Variants in ICA1L observed in about 807,000 individuals in gnomAD.
ICA1L encodes the protein islet cell autoantigen 1-like protein.
A neutral mutation model predicts 61.3 loss-of-function variants in ICA1L; 50 were observed. The ratio of observed to expected loss-of-function variants is 0.82; its 90% CI spans 0.65 to 1.03. The LOEUF is 1.03. Among genes scored for constraint, ICA1L ranks in the 50% least tolerant of loss-of-function variants. ICA1L has a pLI of 0.00. For synonymous variants in ICA1L, 161 were observed against 191.3 expected (o/e 0.84, Z 1.31); for missense variants, 508 against 556.7 (o/e 0.91, Z 0.88).
chr2:202,819,814 T>C lies in ICA1L; in HGVS notation c.445A>G (p.Ile149Val). ...GTGCGTGCCTGCTCCATCCGATTAATTGTCATCAAGGTATCAGATACTGCC... is the reference window on the plus strand; with the variant it reads ...GTGCGTGCCTGCTCCATCCGATTAACTGTCATCAAGGTATCAGATACTGCC... ...QRAVSDTLMT[I>V]NRMEQARTEY... Residue 149 changes from isoleucine to valine, a missense_variant, in exon 5 of 13, where the codon ATT becomes GTT. Ile to Val is a conservative substitution (Grantham distance 29). Coordinates refer to ENST00000358299, the MANE Select transcript of ICA1L (RefSeq NM_001288622.3). The C allele has an allele frequency of 1.2e-6, 2 of 1,614,086 alleles. No homozygotes were observed. The highest frequency in any genetic ancestry group is 1.7e-6 in the Non-Finnish European group (2 of 1,179,954).
At chr2:202,792,782 C>T (rs538547095) in intron 10 of ICA1L, among the ~76,000 whole-genome samples, 30 of 151,730 alleles carry the variant, frequency 2.0e-4, no homozygotes, top group Non-Finnish European at 2.1e-4. Flanking sequence ...CCAGCCTGGG[C>T]GACAGAGTGA....
At chr2:202,825,358 T>C in intron 3 of ICA1L, 1 of 216,130 alleles carries the variant, frequency 4.6e-6, no homozygotes, top group Non-Finnish European at 8.7e-6. Flanking sequence ...TAATCCCAGC[T>C]ACTTGGTAGG....
intron 1 of ICA1L, among the ~76,000 whole-genome samples, chr2:202,830,303 G>A (rs1205423416): frequency 6.6e-6 from 1 of 152,156 alleles, no homozygotes; most frequent in African/African-American, 2.4e-5. Context: ...AGCTACTCAG[G>A]AGGCTGAGGC....
intron 4 of ICA1L, among the ~76,000 whole-genome samples, chr2:202,820,299 C>T (rs1024643332): frequency 4.0e-5 from 6 of 151,294 alleles, no homozygotes; most frequent in African/African-American, 1.5e-4. Flanking sequence ...CGCTTGAACC[C>T]GGGAGGTGGA....
In ICA1L at chr2:202,841,361, G is replaced by A. The variant is rs1574371278; in HGVS notation, c.-7-12345C>T. On this transcript the variant is annotated intron_variant, in intron 1 of 12. Coordinates refer to ENST00000358299, the MANE Select transcript of ICA1L (RefSeq NM_001288622.3). ...GCTTAAGGCTGTTGATGTAGCTCTC[G>A]AACATGTTGTCCGTGTTGCTCTAAG... 22 of 851,162 alleles carry A rather than the reference G, an allele frequency of 2.6e-5. 1 individual carries two copies. Among genetic ancestry groups the A allele is most frequent in the South Asian group, 1.8e-4 (14 of 76,258 alleles). 52.7% of individuals were successfully genotyped at this position (851,162 alleles called of 1,614,324 possible). A position where few individuals can be genotyped will look rare whatever the true frequency, so the allele number is the denominator to read the frequency against.
intron 9 of ICA1L, among the ~76,000 whole-genome samples, chr2:202,803,256 C>G (rs1157422392): frequency 6.6e-6 from 1 of 151,798 alleles, no homozygotes; most frequent in Non-Finnish European, 1.5e-5. Context: ...AAAAAATTAG[C>G]TGGGTGTGGT....
chr2:202,798,303 C>T (rs1326611759), intron 9 of ICA1L, among the ~76,000 whole-genome samples: 1 of 152,124 alleles, frequency 6.6e-6, no homozygotes, highest in African/African-American at 2.4e-5. Context: ...TCAGAGCTCA[C>T]TACAGCCTCC....
chr2:202,784,278 C>T (rs1692507640), intron 12 of ICA1L, among the ~76,000 whole-genome samples: 1 of 151,900 alleles, frequency 6.6e-6, no homozygotes, highest in South Asian at 2.1e-4. Context: ...ATGGTGAAAC[C>T]CCATCTCTAC....
intron 1 of ICA1L, among the ~76,000 whole-genome samples, chr2:202,846,042 G>A (rs1694455202): frequency 6.6e-6 from 1 of 152,150 alleles, no homozygotes; most frequent in Non-Finnish European, 1.5e-5. Context: ...ACTTTGGAAG[G>A]GGGGAACTGG....
At chr2:202,859,374 C>T (rs1694850891) in intron 1 of ICA1L, among the ~76,000 whole-genome samples, 1 of 152,136 alleles carries the variant, frequency 6.6e-6, no homozygotes, top group South Asian at 2.1e-4. Flanking sequence ...AATTTACACA[C>T]AGAGATACTA....
intron 12 of ICA1L, among the ~76,000 whole-genome samples, chr2:202,785,044 C>T (rs1372112496): frequency 6.6e-6 from 1 of 151,524 alleles, no homozygotes; most frequent in Non-Finnish European, 1.5e-5. Context: ...ATAGTGAAAC[C>T]CTGTCTCTAC....
chr2:202,791,594 C>T (rs1692751920), intron 10 of ICA1L, among the ~76,000 whole-genome samples: 1 of 152,222 alleles, frequency 6.6e-6, no homozygotes, highest in African/African-American at 2.4e-5. Flanking sequence ...CACCTGTAAT[C>T]CCAACACTTT....
Position 202,773,763 on chromosome 2 carries a change from T to TGGA in ICA1L, c.*5767_*5769dup. 7.3e-7 allele frequency: 1 copy of TGGA among 1,366,782 alleles called. No individual in the cohort carries two copies. Among genetic ancestry groups the TGGA allele is most frequent in the Non-Finnish European group, 1.0e-6 (1 of 958,190 alleles). The allele number at this position is 1,366,782 out of a possible 1,614,324, so 84.7% of individuals were successfully genotyped here. On this transcript the variant is annotated 3_prime_UTR_variant, in exon 13 of 13. Transcript: ENST00000358299. ...TTTAATAACCATCCAGGTCCAAAGGTGGAAGAATACATACACCGGTATGGT... is the reference window on the plus strand; with the variant it reads ...TTTAATAACCATCCAGGTCCAAAGGTGGAGGAAGAATACATACACCGGTATGGT...
intron 1 of ICA1L, among the ~76,000 whole-genome samples, chr2:202,829,449 C>G (rs1693952392): frequency 6.6e-6 from 1 of 152,138 alleles, no homozygotes; most frequent in Non-Finnish European, 1.5e-5. Flanking sequence ...AAAAAAGGTA[C>G]TAAATGTAAT....
At chr2:202,804,645 G>A (rs945237456) in intron 9 of ICA1L, among the ~76,000 whole-genome samples, 1 of 152,162 alleles carries the variant, frequency 6.6e-6, no homozygotes, top group Admixed American at 6.5e-5. Context: ...AGAAGACGTA[G>A]AGCAACACAA....
intron 1 of ICA1L, among the ~76,000 whole-genome samples, chr2:202,837,090 C>A (rs1694173821): frequency 2.0e-5 from 3 of 152,122 alleles, no homozygotes; most frequent in African/African-American, 2.4e-5. Context: ...GATCCGCCCA[C>A]CTCGGCCTCC....
At chr2:202,809,259 G>A (rs1693308551) in intron 9 of ICA1L, among the ~76,000 whole-genome samples, 1 of 151,878 alleles carries the variant, frequency 6.6e-6, no homozygotes, top group Admixed American at 6.6e-5. Context: ...ATATAGTGAA[G>A]AACGCATCAG....
In ICA1L at chr2:202,819,977, A is replaced by T; in HGVS notation, c.360-78T>A. The T allele has an allele frequency of 3.7e-6, 4 of 1,068,498 alleles. No homozygotes were observed. In the South Asian group the frequency reaches 5.7e-5, roughly 15 times the overall value. 66.2% of individuals were successfully genotyped at this position (1,068,498 alleles called of 1,614,324 possible). A position where few individuals can be genotyped will look rare whatever the true frequency, so the allele number is the denominator to read the frequency against. ...AAACAAAGGTTTAAACCAATGAAAAAGCATATTTGCTAACAAGATGAATCT... is the reference window on the plus strand; with the variant it reads ...AAACAAAGGTTTAAACCAATGAAAATGCATATTTGCTAACAAGATGAATCT... On this transcript the variant is annotated intron_variant, in intron 4 of 12. Coordinates refer to ENST00000358299, the MANE Select transcript of ICA1L (RefSeq NM_001288622.3).
intron 1 of ICA1L, among the ~76,000 whole-genome samples, chr2:202,847,701 A>ATG: frequency 7.0e-6 from 1 of 143,694 alleles, no homozygotes; most frequent in African/African-American, 2.6e-5. Context: ...GGAATTATAT[A>ATG]TATATATAGT....
Sources: allele counts gnomAD v4.1 joint callset (sites outside exome capture counted in the v4.1 genomes callset), GRCh38; gene constraint gnomAD v4.1.1; transcripts MANE v1.5; gene names NCBI Gene and HGNC (gene_info 2026-07-23, HGNC 2026-07-21).